NPHP3: variants seen among roughly 807,000 people sequenced by gnomAD.
The protein encoded by NPHP3 is nephrocystin 3.
In NPHP3, 123 loss-of-function variants were observed where a neutral mutation model predicts 171.9. That is an observed-to-expected ratio of 0.72 (90% CI 0.62 to 0.83). The LOEUF is 0.83. Among genes scored for constraint, NPHP3 ranks in the 40% least tolerant of loss-of-function variants. NPHP3 has a pLI of 0.00. For synonymous variants in NPHP3, 558 were observed against 579.2 expected (o/e 0.96, Z 0.52); for missense variants, 1,506 against 1,591.9 (o/e 0.95, Z 0.92).
At chr3:132,701,859 A>G (rs972956324) in intron 9 of NPHP3, among the ~76,000 whole-genome samples, 3 of 152,152 alleles carry the variant, frequency 2.0e-5, no homozygotes, top group Admixed American at 1.3e-4. Flanking sequence ...TGTCTCTACT[A>G]AAAATACAAA....
chr3:132,692,488 T>G (rs1219977980), intron 17 of NPHP3, among the ~76,000 whole-genome samples, 166 bp downstream of exon 17: 1 of 152,236 alleles, frequency 6.6e-6, no homozygotes, highest in Admixed American at 6.5e-5. Context: ...TAATAAATTT[T>G]TAAGTGTACT....
rs765788977 is a variant in NPHP3 at position 132,682,806 on chromosome 3, C to A, written c.3709G>T (p.Glu1237Ter). Reference sequence around the variant, plus strand: ...GCTCTTTCATATAATGGCAAAGCTTCAACGTGTTTTTTCTTATTAAAAAAA... The same window carrying A: ...GCTCTTTCATATAATGGCAAAGCTTAAACGTGTTTTTTCTTATTAAAAAAA... ...VLYSQMKKHV[E>*]ALPLYERALK... Residue 1237 changes from glutamate to a stop codon, truncating the protein, a stop_gained, in exon 26 of 27, where the codon GAA (glutamate) becomes TAA (stop). Transcript: ENST00000337331. LOFTEE classifies it high-confidence loss of function. The A allele has an allele frequency of 1.2e-6, 2 of 1,607,734 alleles. No homozygotes were observed. The highest frequency in any genetic ancestry group is 1.7e-6 in the Non-Finnish European group (2 of 1,174,264).
chr3:132,684,572 G>A lies in NPHP3; in HGVS notation c.3552C>T (p.Ala1184=), dbSNP rs760321108. 3.1e-6 allele frequency: 5 copies of A among 1,613,962 alleles called. No individual in the cohort carries two copies. The highest frequency in any genetic ancestry group is 4.2e-6 in the Non-Finnish European group (5 of 1,179,908). ...PSLAYTVKHL[A]ILYKKMGKLD... The stretch of plus-strand genomic sequence containing the variant: ...TACTTACCATTTTCTTATACAAGAT[G>A]GCAAGATGCTTCACCGTATATGCCA... Residue 1184 remains alanine, a synonymous_variant, in exon 24 of 27, where the codon GCC becomes GCT. Coordinates refer to ENST00000337331, the MANE Select transcript of NPHP3 (RefSeq NM_153240.5).
chr3:132,721,819 C>A (rs1375816269), intron 1 of NPHP3, 144 bp downstream of exon 1: 5 of 1,015,258 alleles, frequency 4.9e-6, no homozygotes, highest in Non-Finnish European at 7.4e-6. Context: ...GTTAAGGAAT[C>A]ATTTCAGACT....
chr3:132,687,150 C>T lies in NPHP3; in HGVS notation c.3201+1G>A. On this transcript the variant is annotated splice_donor_variant, in intron 22 of 26. Coordinates refer to ENST00000337331, the MANE Select transcript of NPHP3 (RefSeq NM_153240.5). LOFTEE classifies it high-confidence loss of function. ...ACAACACAAAAGAAATCTCTCCTTA[C>T]CAAGTTGCCTTTTTTCTTTATAGCT... 7.0e-7 allele frequency: 1 copy of T among 1,425,544 alleles called. No homozygotes were observed. The highest frequency in any genetic ancestry group is 9.9e-7 in the Non-Finnish European group (1 of 1,011,028). 88.3% of individuals were successfully genotyped at this position (1,425,544 alleles called of 1,614,324 possible).
At chr3:132,706,168 G>A (rs1410695106) in intron 7 of NPHP3, among the ~76,000 whole-genome samples, 2 of 151,980 alleles carry the variant, frequency 1.3e-5, no homozygotes, top group African/African-American at 4.8e-5. Context: ...GACCATCCTG[G>A]CTAACATGGT....
intron 15 of NPHP3, chr3:132,695,217 A>T: frequency 2.4e-6 from 1 of 408,506 alleles, no homozygotes; most frequent in Non-Finnish European, 4.5e-6. Flanking sequence ...ACTATGCATT[A>T]TGGAACATAA....
rs760443078 is a variant in NPHP3 at position 132,696,780 on chromosome 3, T to C, written c.2122A>G (p.Thr708Ala). 13 of 1,614,152 alleles carry C rather than the reference T, an allele frequency of 8.1e-6. 1 individual carries two copies. The highest frequency in any genetic ancestry group is 2.2e-5 in the East Asian group (1 of 44,880). ...KKLERHCRSA[T>A]TCNALYVTLF... The stretch of plus-strand genomic sequence containing the variant: ...GTGACATAAAGGGCATTGCAGGTTG[T>C]AGCAGAACGACAGTGTCGTTCTAGC... The change falls in exon 15 of 27, where the codon ACA becomes GCA. Residue 708 changes from threonine to alanine, a missense_variant. By Grantham distance (58) the Thr-to-Ala change is moderately conservative. Coordinates refer to ENST00000337331, the MANE Select transcript of NPHP3 (RefSeq NM_153240.5).
At chr3:132,687,871 AG>A (rs1435520436) in intron 21 of NPHP3, among the ~76,000 whole-genome samples, 3 of 152,224 alleles carry the variant, frequency 2.0e-5, no homozygotes, top group Non-Finnish European at 4.4e-5. Flanking sequence ...TTAATATTTT[AG>A]GCTTTGTGGG....
intron 25 of NPHP3, 145 bp downstream of exon 25, chr3:132,683,254 T>C: frequency 1.3e-6 from 1 of 769,838 alleles, no homozygotes; most frequent in Non-Finnish European, 2.2e-6. Context: ...CTAACTTCAA[T>C]AGTTTCTCAA....
chr3:132,687,708 T>C (rs1045876772), intron 21 of NPHP3, among the ~76,000 whole-genome samples: 6 of 152,244 alleles, frequency 3.9e-5, no homozygotes, highest in African/African-American at 1.2e-4. Flanking sequence ...GCAATACTTC[T>C]ATAAGTTAAA....
At chr3:132,698,943 A>AG (rs1939530471) in intron 13 of NPHP3, among the ~76,000 whole-genome samples, 1 of 152,162 alleles carries the variant, frequency 6.6e-6, no homozygotes, top group African/African-American at 2.4e-5. Context: ...CCCAGGCTGA[A>AG]GTGCAGTGGC....
chr3:132,699,580 T>C, intron 12 of NPHP3, 130 bp from the exon 13 acceptor site: 6 of 724,724 alleles, frequency 8.3e-6, no homozygotes, highest in Admixed American at 2.8e-5. Flanking sequence ...TATTTTGGGG[T>C]GATTTATTTT....
intron 6 of NPHP3, among the ~76,000 whole-genome samples, chr3:132,709,806 T>A (rs1939861289): frequency 6.6e-6 from 1 of 152,172 alleles, no homozygotes; most frequent in Admixed American, 6.5e-5. Flanking sequence ...TCTGCGCCAA[T>A]CCATTCTACC....
intron 3 of NPHP3, chr3:132,718,144 T>C (rs1451602884): frequency 9.0e-6 from 4 of 442,516 alleles, no homozygotes; most frequent in Middle Eastern, 3.3e-4. Flanking sequence ...GAAGGAACTG[T>C]CAGTTACCAT....
At chr3:132,718,205 C>T in intron 3 of NPHP3, 1 of 324,540 alleles carries the variant, frequency 3.1e-6, no homozygotes, top group South Asian at 2.3e-5. Context: ...CAGTTCATTA[C>T]AAATGGGAGA....
chr3:132,709,448 A>G lies in NPHP3; in HGVS notation c.1119-1191T>C, dbSNP rs992700326. Among the ~76,000 whole-genome samples, 6 of 151,912 alleles carry G rather than the reference A, an allele frequency of 3.9e-5. No individual in the cohort carries two copies. The South Asian group carries it at 1.2e-3, about 32-fold the overall frequency. ...CAGGCACACGCCACCACACCCAGCT[A>G]ATTTTTGTATTTTTTGTAGAGATGG... On this transcript the variant is annotated intron_variant, in intron 6 of 26. Transcript: ENST00000337331.
Position 132,697,321 on chromosome 3 carries a change from T to A in NPHP3, c.2027A>T (p.Asp676Val). 1.2e-6 allele frequency: 2 copies of A among 1,612,494 alleles called. No homozygotes were observed. The highest frequency in any genetic ancestry group is 1.7e-6 in the Non-Finnish European group (2 of 1,179,536). ...TTCTGCAATTATAATAGATTTTGCA[T>A]CTTTTGGACTTAAGGGATCAAGATG... The part of the protein sequence containing the change: ...TLHLDPLSPK[D>V]AKSIIIAECH... The change falls in exon 14 of 27, where the codon GAT (aspartate) becomes GTT (valine). Residue 676 changes from aspartate (D) to valine (V), a missense_variant. This residue lies in a region of NPHP3 where 930 missense variants were observed against 924.9 expected (regional missense o/e 1.01). Transcript: ENST00000337331.
chr3:132,688,644 TCTTA>T lies in NPHP3; in HGVS notation c.3125+2_3125+5del. 1.2e-6 allele frequency: 2 copies of T among 1,610,146 alleles called. No individual in the cohort carries two copies. Among genetic ancestry groups the T allele is most frequent in the Non-Finnish European group, 1.7e-6 (2 of 1,177,220 alleles). ...AATCAGGTATTACTGATCTAAAAAA[TCTTA>T]CTTATTTTGTTTCTGGTACAAAGTT... On this transcript the variant is annotated splice_donor_variant and splice_donor_5th_base_variant and intron_variant, in intron 21 of 26. Transcript: ENST00000337331. LOFTEE classifies it high-confidence loss of function.
Sources: allele counts gnomAD v4.1 joint callset (sites outside exome capture counted in the v4.1 genomes callset), GRCh38; gene constraint gnomAD v4.1.1; regional missense constraint gnomAD v4.1.1; transcripts MANE v1.5; gene names NCBI Gene and HGNC (gene_info 2026-07-23, HGNC 2026-07-21).